The following UST variants were observed in gnomAD, a reference collection of about 807,000 sequenced individuals.
UST encodes chondroitin sulfate 2-O-sulfotransferase.
In UST, 21 loss-of-function variants were observed where a neutral mutation model predicts 45.6. The ratio of observed to expected loss-of-function variants is 0.46; its 90% CI spans 0.33 to 0.66. The LOEUF (loss-of-function observed/expected upper bound fraction) is 0.66, where lower values mean the gene tolerates loss of function less well. UST is among the 30% of genes least tolerant of loss of function. The probability of loss-of-function intolerance (pLI) is 0.02; values close to 1 mark genes in which losing one functional copy is unlikely to be tolerated. For synonymous variants in UST, 215 were observed against 200.6 expected, an observed-to-expected ratio of 1.07 and a Z score of -0.61; for missense variants, 463 against 512.4, an observed-to-expected ratio of 0.90 and a Z score of 0.93.
intron 1 of UST, among the ~76,000 whole-genome samples, chr6:148,753,282 A>G (rs1040199113): frequency 6.6e-6 from 1 of 152,214 alleles, no homozygotes; most frequent in Admixed American, 6.5e-5. Flanking sequence ...CCTTTATCCA[A>G]CACTTTTGCC....
At chr6:148,935,034 A>G (rs1779992993) in intron 2 of UST, among the ~76,000 whole-genome samples, 1 of 152,168 alleles carries the variant, frequency 6.6e-6, no homozygotes, top group African/African-American at 2.4e-5. Context: ...GACCACATTT[A>G]CTTTTTACCT....
intron 7 of UST, among the ~76,000 whole-genome samples, chr6:149,063,971 A>C (rs1776695839): frequency 6.6e-6 from 1 of 152,198 alleles, no homozygotes; most frequent in Non-Finnish European, 1.5e-5. Flanking sequence ...ATTGAAACAC[A>C]CACAGAATCT....
chr6:148,998,714 C>G (rs1490588978), intron 5 of UST, among the ~76,000 whole-genome samples: 1 of 152,212 alleles, frequency 6.6e-6, no homozygotes, highest in Non-Finnish European at 1.5e-5. Context: ...AGAGTTTCAT[C>G]AGCATCTCAA....
rs192564655 is a variant in UST, at chr6:148,842,919, A to G, written c.248-44067A>G. ...CTCTGTGTGGTTCTGGGAGCTAAATAAAACACCGGAAATAGATATTAAATA... is the reference window on the plus strand; with the variant it reads ...CTCTGTGTGGTTCTGGGAGCTAAATGAAACACCGGAAATAGATATTAAATA... On this transcript the variant is annotated intron_variant, in intron 1 of 7. Coordinates refer to ENST00000367463, the MANE Select transcript of UST (RefSeq NM_005715.3). 4.6e-5 allele frequency among the ~76,000 whole-genome samples: 7 copies of G among 152,300 alleles called. No individual in the cohort carries two copies. The East Asian group carries it at 1.3e-3, about 29-fold the overall frequency.
rs34342100 is a variant in UST, at chr6:148,748,399, TTGTGTGTGTGTGTGTGTGTGTGTGTGTG to T, written c.247+749_247+776del. On this transcript the variant is annotated intron_variant, in intron 1 of 7. Transcript: ENST00000367463. This position sits in a 1 kb window ranked among gnomAD's most constrained non-coding sequence, Gnocchi z 5.3. ...GTGCGTCTCAAGCTCAAGTCAAAAC[TTGTGTGTGTGTGTGTGTGTGTGTGTGTG>T]TGTGTGTGTGTGTGTGTGTGTGTGT... Among the ~76,000 whole-genome samples the T allele has an allele frequency of 3.9e-5, 5 of 127,616 alleles. No homozygotes were observed. Among genetic ancestry groups the T allele is most frequent in the South Asian group, 2.9e-4 (1 of 3,460 alleles). The allele number at this position is 127,616 out of a possible 152,430, so 83.7% of individuals were successfully genotyped here.
intron 1 of UST, among the ~76,000 whole-genome samples, chr6:148,836,030 G>A (rs1463848789): frequency 6.6e-6 from 1 of 152,016 alleles, no homozygotes; most frequent in Non-Finnish European, 1.5e-5. Context: ...TCTGGGTGGT[G>A]GTGACTGAAG....
chr6:148,948,135 C>CTTA (rs764602299), intron 3 of UST, among the ~76,000 whole-genome samples: 1 of 152,144 alleles, frequency 6.6e-6, no homozygotes, highest in Non-Finnish European at 1.5e-5. Flanking sequence ...CTGCCTCCTG[C>CTTA]TTACAAGGGC....
Position 149,075,841 on chromosome 6 carries a change from T to G in UST, c.*1725T>G, listed in dbSNP as rs1776882219. On this transcript the variant is annotated 3_prime_UTR_variant, in exon 8 of 8. Coordinates refer to ENST00000367463, the MANE Select transcript of UST (RefSeq NM_005715.3). ...GTTAATAGTAAATAAGACTCTGACT[T>G]TACACAAGCTACACATTTTATACTT... 6.6e-6 allele frequency: 1 copy of G among 152,458 alleles called. No homozygotes were observed. The highest frequency in any genetic ancestry group is 2.4e-5 in the African/African-American group (1 of 41,432). The allele number at this position is 152,458 out of a possible 1,614,324, so 9.4% of individuals were successfully genotyped here.
intron 1 of UST, among the ~76,000 whole-genome samples, chr6:148,767,132 T>C (rs1445519980): frequency 6.6e-6 from 1 of 152,192 alleles, no homozygotes; most frequent in East Asian, 1.9e-4. Flanking sequence ...GTAGCAAGGG[T>C]CTATACCATA....
intron 7 of UST, among the ~76,000 whole-genome samples, chr6:149,056,852 C>T (rs2115039387): frequency 6.6e-6 from 1 of 152,286 alleles, no homozygotes; most frequent in Non-Finnish European, 1.5e-5. Context: ...TGAGTAGCAC[C>T]TCCTATTAAC....
chr6:148,939,529 G>A (rs1231614727), intron 2 of UST, among the ~76,000 whole-genome samples: 1 of 152,166 alleles, frequency 6.6e-6, no homozygotes. Context: ...ATAGAATTGA[G>A]AATCCAGAAA....
chr6:148,917,436 C>A (rs559537423), intron 2 of UST, among the ~76,000 whole-genome samples: 1 of 152,304 alleles, frequency 6.6e-6, no homozygotes, highest in South Asian at 2.1e-4. Context: ...TATAAAGAGA[C>A]CGTCTTTACC....
intron 2 of UST, among the ~76,000 whole-genome samples, chr6:148,906,015 A>G (rs1395337755): frequency 6.6e-6 from 1 of 150,546 alleles, no homozygotes; most frequent in Non-Finnish European, 1.5e-5. Flanking sequence ...ATGGATATGT[A>G]CTAATTATGT....
At chr6:148,799,566 C>T (rs557264898) in intron 1 of UST, among the ~76,000 whole-genome samples, 16 of 152,244 alleles carry the variant, frequency 1.1e-4, no homozygotes, top group South Asian at 8.3e-4. Context: ...CCTACTTAAA[C>T]CATTTAAGAA....
intron 5 of UST, among the ~76,000 whole-genome samples, chr6:148,968,192 A>G (rs1780841390): frequency 6.6e-6 from 1 of 152,186 alleles, no homozygotes; most frequent in African/African-American, 2.4e-5. Flanking sequence ...ATTTGATGTA[A>G]CATCGTCTCT....
At chr6:148,867,772 C>G (rs1029343968) in intron 1 of UST, among the ~76,000 whole-genome samples, 2 of 152,110 alleles carry the variant, frequency 1.3e-5, no homozygotes, top group South Asian at 4.1e-4. Context: ...ATAAATTATC[C>G]AGTCTCAGGT....
intron 7 of UST, among the ~76,000 whole-genome samples, chr6:149,052,145 G>C (rs1228174210): frequency 2.0e-5 from 3 of 152,140 alleles, no homozygotes; most frequent in Non-Finnish European, 4.4e-5. Context: ...TAGGAGCAGA[G>C]CATCTCAAAG....
chr6:148,770,474 G>A (rs1776403283), intron 1 of UST, among the ~76,000 whole-genome samples: 1 of 151,784 alleles, frequency 6.6e-6, no homozygotes, highest in African/African-American at 2.4e-5. Context: ...TGCAAGGTAG[G>A]CGCCTACAGT....
chr6:149,073,005 A>C (rs1776840733), intron 7 of UST, among the ~76,000 whole-genome samples: 1 of 152,256 alleles, frequency 6.6e-6, no homozygotes, highest in African/African-American at 2.4e-5. Context: ...AAAATAGTTA[A>C]AATTGTACAC....
Sources: gnomAD v4.1 joint callset for allele counts (sites outside exome capture counted in the v4.1 genomes callset) on GRCh38, gnomAD v4.1.1 for gene constraint, Gnocchi (gnomAD v3.1) non-coding constraint, MANE v1.5 for transcripts, NCBI Gene and HGNC (gene_info 2026-07-23, HGNC 2026-07-21) for gene names.